STK32B: variants seen among roughly 807,000 people sequenced by gnomAD.
STK32B encodes serine/threonine-protein kinase 32B.
Under a neutral mutation model 52.6 loss-of-function variants are expected in STK32B, and 43 were observed. The observed-to-expected ratio is 0.82, with a 90% CI of 0.64 to 1.05. STK32B has a LOEUF of 1.05. Among genes scored for constraint, STK32B ranks in the 50% least tolerant of loss-of-function variants. The pLI, the probability that STK32B is intolerant of heterozygous loss-of-function variation, is 0.00. For synonymous variants in STK32B, 238 were observed against 204.3 expected (o/e 1.17, Z -1.41); for missense variants, 621 against 534.6 (o/e 1.16, Z -1.59).
intron 4 of STK32B, among the ~76,000 whole-genome samples, chr4:5,389,349 AAATT>A (rs1736454665): frequency 6.6e-6 from 1 of 152,216 alleles, no homozygotes; most frequent in Non-Finnish European, 1.5e-5. Flanking sequence ...TAAACAACAG[AAATT>A]AATCATCTTA....
intron 8 of STK32B, among the ~76,000 whole-genome samples, chr4:5,457,556 C>T (rs1213716222): frequency 1.3e-5 from 2 of 151,278 alleles, no homozygotes; most frequent in Non-Finnish European, 2.9e-5. Context: ...GGTCTTTTCA[C>T]TCAATGACCT....
chr4:5,318,148 T>G (rs559650093), intron 3 of STK32B, among the ~76,000 whole-genome samples: 8 of 152,232 alleles, frequency 5.3e-5, no homozygotes, highest in Admixed American at 3.9e-4. Flanking sequence ...TGCACTTGTG[T>G]GTGTGATTGG....
the STK32B span, among the ~76,000 whole-genome samples, chr4:5,024,481 T>G: frequency 5.2e-4 from 79 of 152,348 alleles, no homozygotes; most frequent in African/African-American, 1.8e-3. Flanking sequence ...TCTCTGCCAC[T>G]GGTCATGCTT....
chr4:5,483,802 G>A (rs1407044135), intron 11 of STK32B, among the ~76,000 whole-genome samples: 4 of 151,900 alleles, frequency 2.6e-5, no homozygotes, highest in Admixed American at 6.6e-5. Context: ...TGTTCTCGTT[G>A]GTTTCAAAGA....
intron 6 of STK32B, among the ~76,000 whole-genome samples, chr4:5,435,001 C>T (rs1010531811): frequency 6.6e-6 from 1 of 152,128 alleles, no homozygotes; most frequent in African/African-American, 2.4e-5. Flanking sequence ...GAACATAGCC[C>T]CTAATCTCTG....
intron 1 of STK32B, among the ~76,000 whole-genome samples, chr4:5,137,118 G>A (rs1413782067): frequency 6.6e-6 from 1 of 152,178 alleles, no homozygotes; most frequent in South Asian, 2.1e-4. Context: ...ACATGACAGA[G>A]GAGGAGGTTG....
intron 2 of STK32B, among the ~76,000 whole-genome samples, chr4:5,144,356 T>A (rs908370523): frequency 2.6e-5 from 4 of 152,166 alleles, no homozygotes; most frequent in African/African-American, 9.7e-5. Flanking sequence ...CAACCTGATA[T>A]TCAATAAATG....
chr4:5,315,132 T>C (rs72616112), intron 3 of STK32B, among the ~76,000 whole-genome samples: 17,739 of 152,042 alleles, frequency 0.12, 2,612 homozygotes, highest in African/African-American at 0.35. Context: ...CAACAGTAAA[T>C]TTTTTTAATC....
At chr4:5,441,551 C>A (rs1270191723) in intron 6 of STK32B, among the ~76,000 whole-genome samples, 1 of 151,522 alleles carries the variant, frequency 6.6e-6, no homozygotes, top group Non-Finnish European at 1.5e-5. Flanking sequence ...TTTCAAAAAA[C>A]CAGCTCCTGG....
chr4:5,137,785 G>A (rs148743085), intron 1 of STK32B, among the ~76,000 whole-genome samples: 2 of 152,338 alleles, frequency 1.3e-5, no homozygotes, highest in African/African-American at 2.4e-5. Context: ...TTAGTTGGGG[G>A]TTGGGGAAAA....
intron 1 of STK32B, among the ~76,000 whole-genome samples, chr4:5,105,833 G>C (rs888119767): frequency 6.6e-6 from 1 of 151,974 alleles, no homozygotes; most frequent in Admixed American, 6.5e-5. Flanking sequence ...AAAGTGCTGG[G>C]ATTACAGGTG....
Position 5,158,551 on chromosome 4 carries a change from C to G in STK32B, c.109-9748C>G, listed in dbSNP as rs976903212. Among the ~76,000 whole-genome samples the G allele has an allele frequency of 5.9e-5, 9 of 152,248 alleles. No homozygotes were observed. The East Asian group carries it at 1.5e-3, about 26-fold the overall frequency. ...TAGGATCCTCTTTTAAAACAGCTCC[C>G]CAGTGCTCTCAGAACAAAAGTCAAC... On this transcript the variant is annotated intron_variant, in intron 2 of 11. Coordinates refer to ENST00000282908, the MANE Select transcript of STK32B (RefSeq NM_018401.3).
At chr4:5,316,511 AAT>A (rs1730778670) in intron 3 of STK32B, among the ~76,000 whole-genome samples, 1 of 1,186 alleles carries the variant, frequency 8.4e-4, no homozygotes, top group Non-Finnish European at 1.0e-3. Context: ...TATAATATAT[AAT>A]ATATATTACA....
At chr4:5,094,014 G>A (rs529398951) in intron 1 of STK32B, among the ~76,000 whole-genome samples, 2 of 152,274 alleles carry the variant, frequency 1.3e-5, no homozygotes, top group African/African-American at 2.4e-5. Flanking sequence ...ATGAATCCAC[G>A]ATAAAGACCA....
At chr4:5,449,670 G>T (rs989692997) in intron 7 of STK32B, among the ~76,000 whole-genome samples, 2 of 152,160 alleles carry the variant, frequency 1.3e-5, no homozygotes, top group Non-Finnish European at 2.9e-5. Context: ...AGCTTCCTCT[G>T]TATTTAGAGC....
At chr4:5,371,827 C>G (rs1465434116) in intron 4 of STK32B, among the ~76,000 whole-genome samples, 1 of 152,240 alleles carries the variant, frequency 6.6e-6, no homozygotes, top group Admixed American at 6.5e-5. Context: ...AGCCCCAGGA[C>G]AGAGTTTGCT....
chr4:5,050,509 G>C (rs552964844), upstream of STK32B, among the ~76,000 whole-genome samples: 7 of 152,312 alleles, frequency 4.6e-5, no homozygotes, highest in African/African-American at 1.7e-4. Context: ...GAACTGGAGA[G>C]AGAGACCAGG....
At chr4:5,074,382 A>G (rs1711959999) in intron 1 of STK32B, among the ~76,000 whole-genome samples, 3 of 151,376 alleles carry the variant, frequency 2.0e-5, no homozygotes, top group Non-Finnish European at 4.4e-5. Flanking sequence ...TTTTTCCCCA[A>G]ATTTTCTATA....
At chr4:5,184,221 C>T (rs1383975394) in intron 3 of STK32B, among the ~76,000 whole-genome samples, 2 of 152,114 alleles carry the variant, frequency 1.3e-5, no homozygotes, top group African/African-American at 4.8e-5. Flanking sequence ...TTCACTTGAG[C>T]ACTCAGAGGC....
Sources: allele counts gnomAD v4.1 joint callset (sites outside exome capture counted in the v4.1 genomes callset), GRCh38; gene constraint gnomAD v4.1.1; transcripts MANE v1.5; gene names NCBI Gene and HGNC (gene_info 2026-07-23, HGNC 2026-07-21).